The following ANO5 variants were observed in gnomAD, a reference collection of about 807,000 sequenced individuals.
ANO5 encodes the protein anoctamin 5.
ANO5 carries 109 observed loss-of-function variants against 121.0 expected under a neutral mutation model. The observed-to-expected ratio is 0.90, with a 90% CI of 0.77 to 1.06. The LOEUF (loss-of-function observed/expected upper bound fraction) is 1.06. Among genes scored for constraint, ANO5 ranks in the 50% least tolerant of loss-of-function variants. ANO5 has a pLI of 0.00. For missense variants in ANO5, 1,064 were observed against 1,078.5 expected (o/e 0.99, Z 0.19); for synonymous variants, 406 against 359.9 (o/e 1.13, Z -1.45).
chr11:22,196,649 T>C (rs1851822807), intron 1 of ANO5, among the ~76,000 whole-genome samples: 2 of 152,062 alleles, frequency 1.3e-5, no homozygotes, highest in Admixed American at 6.6e-5. Flanking sequence ...GGCAGGTGGA[T>C]CATTAGGTCA....
intron 2 of ANO5, among the ~76,000 whole-genome samples, chr11:22,210,562 T>C (rs1225140332): frequency 6.6e-6 from 1 of 151,930 alleles, no homozygotes; most frequent in Non-Finnish European, 1.5e-5. Flanking sequence ...TAGTATTATA[T>C]TGTACCTGTC....
rs1855066320 is a variant in ANO5 at position 22,281,288 on chromosome 11, C to T, written c.*1523C>T. Reference sequence around the variant, plus strand: ...ATGCTAATAAATTATTGTGGTACTGCCAGTATTAAATATATGGCAGATGGT... The same window carrying T: ...ATGCTAATAAATTATTGTGGTACTGTCAGTATTAAATATATGGCAGATGGT... On this transcript the variant is annotated 3_prime_UTR_variant, in exon 22 of 22. Coordinates refer to ENST00000324559, the MANE Select transcript of ANO5 (RefSeq NM_213599.3). 6.6e-6 allele frequency: 1 copy of T among 151,876 alleles called. No homozygotes were observed. Among genetic ancestry groups the T allele is most frequent in the Admixed American group, 6.6e-5 (1 of 15,244 alleles). 9.4% of individuals were successfully genotyped at this position (151,876 alleles called of 1,614,324 possible). A position where few individuals can be genotyped will look rare whatever the true frequency, so the allele number is the denominator to read the frequency against.
In ANO5 at chr11:22,199,962, C is replaced by T. The variant is rs761331539; in HGVS notation, c.41-3842C>T. On this transcript the variant is annotated intron_variant, in intron 1 of 21. Coordinates refer to ENST00000324559, the MANE Select transcript of ANO5 (RefSeq NM_213599.3). ...TTTTATTTCACTGCTGCATTAAAAT[C>T]TATTGGTCTGTCCTTCACTTTAAAT... Among the ~76,000 whole-genome samples the T allele has an allele frequency of 2.7e-4, 41 of 152,202 alleles. 1 individual carries two copies. The highest frequency in any genetic ancestry group is 3.7e-4 in the Non-Finnish European group (25 of 67,972).
At chr11:22,248,011 A>T (rs879610988) in intron 9 of ANO5, among the ~76,000 whole-genome samples, 1 of 152,142 alleles carries the variant, frequency 6.6e-6, no homozygotes, top group Non-Finnish European at 1.5e-5. Context: ...CAATGTGAGG[A>T]TAATACTGAA....
Position 22,262,189 on chromosome 11 carries a change from A to G in ANO5, c.1691A>G (p.Gln564Arg), listed in dbSNP as rs1410381664. Residue 564 changes from glutamine (Q) to arginine (R), a missense_variant, in exon 16 of 22, where the codon CAG (glutamine) becomes CGG (arginine). Coordinates refer to ENST00000324559, the MANE Select transcript of ANO5 (RefSeq NM_213599.3). Reference sequence around the variant, plus strand: ...CTTACCTTGAAAATGTTCCTGTTTCAGTTTGTAAATTTTTACTCATCCTGC... The same window carrying G: ...CTTACCTTGAAAATGTTCCTGTTTCGGTTTGTAAATTTTTACTCATCCTGC... ...SSLTLKMFLF[Q>R]FVNFYSSCFY... 6.2e-7 allele frequency: 1 copy of G among 1,613,862 alleles called. No individual in the cohort carries two copies. The highest frequency in any genetic ancestry group is 8.5e-7 in the Non-Finnish European group (1 of 1,179,966).
At chr11:22,236,108 G>T in intron 7 of ANO5, 55 bp from the exon 8 acceptor site, 1 of 1,145,492 alleles carries the variant, frequency 8.7e-7, no homozygotes, top group Non-Finnish European at 1.3e-6. Context: ...TGAAAGAAAT[G>T]TGGAAAGCAT....
rs554790473 is a variant in ANO5 at position 22,276,542 on chromosome 11, T to C, written c.2520+343T>C. Reference sequence around the variant, plus strand: ...CTGTATTAAATCATAACAACATTGTTAATTAGACCTTATCGCTCACCTTTG... The same window carrying C: ...CTGTATTAAATCATAACAACATTGTCAATTAGACCTTATCGCTCACCTTTG... On this transcript the variant is annotated intron_variant, in intron 21 of 21. Coordinates refer to ENST00000324559, the MANE Select transcript of ANO5 (RefSeq NM_213599.3). Among the ~76,000 whole-genome samples, 9 of 151,934 alleles carry C rather than the reference T, an allele frequency of 5.9e-5. No homozygotes were observed. In the South Asian group the frequency reaches 1.9e-3, roughly 31 times the overall value.
At chr11:22,243,201 A>ACTTT in intron 9 of ANO5, among the ~76,000 whole-genome samples, 1 of 152,198 alleles carries the variant, frequency 6.6e-6, no homozygotes, top group Non-Finnish European at 1.5e-5. Context: ...AATCCTATTT[A>ACTTT]TGTGGTGAAT....
chr11:22,231,821 A>G (rs1197457025), intron 7 of ANO5, among the ~76,000 whole-genome samples: 1 of 152,012 alleles, frequency 6.6e-6, no homozygotes, highest in Non-Finnish European at 1.5e-5. Flanking sequence ...GTTACAATAT[A>G]TGGGAGTACT....
intron 1 of ANO5, among the ~76,000 whole-genome samples, chr11:22,194,365 G>A (rs558712567): frequency 6.6e-6 from 1 of 152,132 alleles, no homozygotes; most frequent in Admixed American, 6.5e-5. Context: ...CAAAAGATCT[G>A]ATCATTACTA....
intron 7 of ANO5, among the ~76,000 whole-genome samples, chr11:22,231,559 T>C (rs1853041738): frequency 6.6e-6 from 1 of 151,970 alleles, no homozygotes; most frequent in Non-Finnish European, 1.5e-5. Flanking sequence ...TGGTTCTTTA[T>C]ATTCTATAGT....
intron 2 of ANO5, among the ~76,000 whole-genome samples, chr11:22,205,481 A>C (rs1031245910): frequency 6.6e-6 from 1 of 152,054 alleles, no homozygotes; most frequent in Non-Finnish European, 1.5e-5. Context: ...ACAAACAAGA[A>C]TAAGAATTAT....
At chr11:22,272,145 A>G (rs998894074) in intron 18 of ANO5, among the ~76,000 whole-genome samples, 1 of 152,174 alleles carries the variant, frequency 6.6e-6, no homozygotes, top group Non-Finnish European at 1.5e-5. Context: ...ACAAAAGAAT[A>G]AAAATGTGGA....
At chr11:22,217,465 T>C (rs1852484999) in intron 3 of ANO5, among the ~76,000 whole-genome samples, 1 of 151,964 alleles carries the variant, frequency 6.6e-6, no homozygotes, top group South Asian at 2.1e-4. Flanking sequence ...AAACTTTCCA[T>C]ACTACACATC....
intron 15 of ANO5, among the ~76,000 whole-genome samples, chr11:22,260,454 G>A (rs1408443263): frequency 6.6e-6 from 1 of 152,136 alleles, no homozygotes; most frequent in African/African-American, 2.4e-5. Flanking sequence ...CTGACGTCAA[G>A]CAAAAGACCA....
At chr11:22,196,689 T>G (rs1404216142) in intron 1 of ANO5, among the ~76,000 whole-genome samples, 3 of 152,040 alleles carry the variant, frequency 2.0e-5, no homozygotes, top group African/African-American at 7.2e-5. Flanking sequence ...GCCAACATGG[T>G]GAAACCCCAT....
intron 1 of ANO5, among the ~76,000 whole-genome samples, chr11:22,202,512 G>A (rs917726700): frequency 6.6e-6 from 1 of 151,908 alleles, no homozygotes; most frequent in South Asian, 2.1e-4. Flanking sequence ...TTACTTATAA[G>A]AACAAGCATT....
intron 2 of ANO5, among the ~76,000 whole-genome samples, chr11:22,207,693 G>A (rs978559953): frequency 3.9e-5 from 6 of 152,198 alleles, no homozygotes; most frequent in Admixed American, 6.5e-5. Flanking sequence ...TTTATCAAAT[G>A]TAAGAATTAT....
intron 16 of ANO5, 104 bp from the exon 17 acceptor site, chr11:22,262,842 A>C (rs1854235725): frequency 1.1e-6 from 1 of 939,090 alleles, no homozygotes; most frequent in African/African-American, 1.6e-5. Flanking sequence ...CTTCCAACCA[A>C]AACCTTTAGA....
Sources: allele counts gnomAD v4.1 joint callset (sites outside exome capture counted in the v4.1 genomes callset), GRCh38; gene constraint gnomAD v4.1.1; transcripts MANE v1.5; gene names NCBI Gene and HGNC (gene_info 2026-07-23, HGNC 2026-07-21).